Variants in CERK observed in about 807,000 individuals in gnomAD.
CERK encodes the protein ceramide kinase, also known as acylsphingosine kinase.
Under a neutral mutation model 63.4 loss-of-function variants are expected in CERK, and 39 were observed. The observed-to-expected ratio is 0.61, with a 90% confidence interval of 0.48 to 0.80. The LOEUF (loss-of-function observed/expected upper bound fraction) is 0.80, where lower values mean the gene tolerates loss of function less well. CERK is among the 30% of genes least tolerant of loss of function. The pLI is 0.00. For missense variants in CERK, 670 were observed against 714.1 expected (o/e 0.94, Z 0.70); for synonymous variants, 302 against 280.0 (o/e 1.08, Z -0.78).
At chr22:46,703,240 C>A (rs1282108987) in intron 6 of CERK, among the ~76,000 whole-genome samples, 4 of 152,186 alleles carry the variant, frequency 2.6e-5, no homozygotes, top group Non-Finnish European at 5.9e-5. Flanking sequence ...TCAAAGCAGC[C>A]GGAGCCATGC....
Position 46,690,147 on chromosome 22 carries a change from C to A in CERK, c.1386G>T (p.Ser462=). The part of the protein sequence containing the change: ...VYRVKKFQFT[S]KHMEDEDSDL... ...CGCTGTCCTCATCCTCCATGTGCTT[C>A]GACGTAAACTGGAATTTCTTGACGC... Residue 462 remains serine (S), a synonymous_variant, in exon 12 of 13, where the codon TCG becomes TCT. Transcript: ENST00000216264. 1.9e-6 allele frequency: 3 copies of A among 1,613,982 alleles called. No individual in the cohort carries two copies. The highest frequency in any genetic ancestry group is 2.5e-6 in the Non-Finnish European group (3 of 1,180,010).
chr22:46,727,750 A>G (rs2082926395), intron 1 of CERK, among the ~76,000 whole-genome samples: 1 of 152,084 alleles, frequency 6.6e-6, no homozygotes, highest in South Asian at 2.1e-4. Context: ...AGCATCCCAC[A>G]GGACCACCCG....
intron 3 of CERK, among the ~76,000 whole-genome samples, chr22:46,715,297 A>G (rs2082860978): frequency 1.3e-5 from 2 of 152,216 alleles, no homozygotes; most frequent in South Asian, 4.1e-4. Flanking sequence ...AATGGAAGAA[A>G]CACAACTGTT....
At chr22:46,725,932 C>T (rs1313889375) in intron 1 of CERK, among the ~76,000 whole-genome samples, 1 of 152,212 alleles carries the variant, frequency 6.6e-6, no homozygotes, top group Non-Finnish European at 1.5e-5. Context: ...TGTTGTGATC[C>T]ACTAGAATTA....
intron 6 of CERK, among the ~76,000 whole-genome samples, chr22:46,707,154 G>A (rs1569323540): frequency 1.3e-5 from 2 of 152,212 alleles, no homozygotes; most frequent in South Asian, 2.1e-4. Flanking sequence ...GAGCTGTGAC[G>A]AGAGTGAAAG....
intron 11 of CERK, among the ~76,000 whole-genome samples, chr22:46,691,036 C>G (rs1451985225): frequency 1.4e-5 from 2 of 139,436 alleles, no homozygotes; most frequent in African/African-American, 5.6e-5. Flanking sequence ...TATACACATA[C>G]ACACACATGT....
chr22:46,697,548 C>T (rs1358630048), intron 8 of CERK, among the ~76,000 whole-genome samples: 1 of 152,138 alleles, frequency 6.6e-6, no homozygotes, highest in African/African-American at 2.4e-5. Context: ...CTCTGTTGCC[C>T]AGGCTGAAGT....
rs12168873 is a variant in CERK, at chr22:46,721,101, T to A, written c.143-86A>T. 9,410 of 872,190 alleles carry A rather than the reference T, an allele frequency of 0.011. 607 individuals carry two copies. The African/African-American group carries it at 0.14, about 13-fold the overall frequency. The allele number at this position is 872,190 out of a possible 1,614,324, so 54.0% of individuals were successfully genotyped here. ...GTCCAACTCCAAGAAGCTGAGAATATTCTGCTTTAATATTCTCATTAGAAA... is the reference window on the plus strand; with the variant it reads ...GTCCAACTCCAAGAAGCTGAGAATAATCTGCTTTAATATTCTCATTAGAAA... On this transcript the variant is annotated intron_variant, in intron 1 of 12. Transcript: ENST00000216264.
intron 1 of CERK, among the ~76,000 whole-genome samples, chr22:46,721,914 G>A (rs1264484544): frequency 1.3e-5 from 2 of 152,208 alleles, no homozygotes; most frequent in Non-Finnish European, 1.5e-5. Flanking sequence ...CTGGGCAGCT[G>A]TAATTACAGG....
At chr22:46,728,523 A>G (rs889934686) in intron 1 of CERK, among the ~76,000 whole-genome samples, 1 of 152,146 alleles carries the variant, frequency 6.6e-6, no homozygotes, top group African/African-American at 2.4e-5. Flanking sequence ...GAGGGCTATG[A>G]GGATCCCATT....
intron 6 of CERK, among the ~76,000 whole-genome samples, chr22:46,707,456 C>G (rs886543094): frequency 6.6e-6 from 1 of 152,142 alleles, no homozygotes; most frequent in African/African-American, 2.4e-5. Flanking sequence ...CTCCCCAGCC[C>G]GATTCCTGCC....
chr22:46,726,412 C>T (rs368980896), intron 1 of CERK, among the ~76,000 whole-genome samples: 3 of 152,156 alleles, frequency 2.0e-5, no homozygotes, highest in South Asian at 4.1e-4. Context: ...GTGGATCACA[C>T]CCACACACAC....
At chr22:46,721,301 A>T (rs7284970) in intron 1 of CERK, among the ~76,000 whole-genome samples, 2,825 of 151,804 alleles carry the variant, frequency 0.019, 73 homozygotes, top group African/African-American at 0.063. Flanking sequence ...ATATATATAT[A>T]TATTTTTTTG....
At position 46,685,899 on chromosome 22, in the gene CERK, G is replaced by C. The variant is rs183424616; in HGVS notation, c.*1235C>G. On this transcript the variant is annotated 3_prime_UTR_variant, in exon 13 of 13. Coordinates refer to ENST00000216264, the MANE Select transcript of CERK (RefSeq NM_022766.6). ...TCTACAGCGTGCTCCAAACGGCCACGGCCCCGCTCCTTACAGATCAAAGTT... is the reference window on the plus strand; with the variant it reads ...TCTACAGCGTGCTCCAAACGGCCACCGCCCCGCTCCTTACAGATCAAAGTT... 1 of 152,170 alleles carries C rather than the reference G, an allele frequency of 6.6e-6. No individual in the cohort carries two copies. Among genetic ancestry groups the C allele is most frequent in the Non-Finnish European group, 1.5e-5 (1 of 68,042 alleles). The allele number at this position is 152,170 out of a possible 1,614,324, so 9.4% of individuals were successfully genotyped here. A position where few individuals can be genotyped will look rare whatever the true frequency, so the allele number is the denominator to read the frequency against.
At chr22:46,722,005 C>A (rs2082894978) in intron 1 of CERK, among the ~76,000 whole-genome samples, 1 of 152,220 alleles carries the variant, frequency 6.6e-6, no homozygotes, top group African/African-American at 2.4e-5. Context: ...CCTGAAAGAA[C>A]TTGCCCAGGA....
chr22:46,732,151 C>T (rs953107579), intron 1 of CERK, among the ~76,000 whole-genome samples: 7 of 152,060 alleles, frequency 4.6e-5, no homozygotes, highest in Admixed American at 2.6e-4. Flanking sequence ...TCCGGACAGC[C>T]GAATCGAGAA....
intron 3 of CERK, among the ~76,000 whole-genome samples, chr22:46,716,483 G>A (rs929250402): frequency 6.7e-6 from 1 of 148,336 alleles, no homozygotes; most frequent in African/African-American, 2.5e-5. Context: ...GAGCCACCAT[G>A]CCCGGCCAAG....
At chr22:46,716,707 G>A (rs551983484) in intron 3 of CERK, among the ~76,000 whole-genome samples, 1 of 151,876 alleles carries the variant, frequency 6.6e-6, no homozygotes, top group Admixed American at 6.6e-5. Flanking sequence ...GGGAGGCTGA[G>A]GCAGGTAGAT....
intron 1 of CERK, among the ~76,000 whole-genome samples, chr22:46,721,976 G>C (rs1030434799): frequency 6.6e-6 from 1 of 152,298 alleles, no homozygotes; most frequent in Middle Eastern, 3.4e-3. Flanking sequence ...GGGAGGTGAC[G>C]GGTAACTGAA....
Sources: allele counts gnomAD v4.1 joint callset (sites outside exome capture counted in the v4.1 genomes callset), GRCh38; gene constraint gnomAD v4.1.1; transcripts MANE v1.5; gene names NCBI Gene and HGNC (gene_info 2026-07-23, HGNC 2026-07-21).